PDE11A: variants seen among roughly 807,000 people sequenced by gnomAD.
PDE11A encodes the protein phosphodiesterase 11A, also known as dual 3',5'-cyclic-AMP and -GMP phosphodiesterase 11A.
Under a neutral mutation model 100.5 loss-of-function variants are expected in PDE11A, and 100 were observed. The ratio of observed to expected loss-of-function variants is 1.00; its 90% CI spans 0.85 to 1.18. The LOEUF (loss-of-function observed/expected upper bound fraction) is 1.18. PDE11A is among the 50% of genes most tolerant of loss of function. The probability of loss-of-function intolerance (pLI) is 0.00; values close to 1 mark genes in which losing one functional copy is unlikely to be tolerated. For synonymous variants in PDE11A, 381 were observed against 420.8 expected (o/e 0.91, Z 1.16); for missense variants, 1,141 against 1,152.6 (o/e 0.99, Z 0.15).
At chr2:177,702,104 A>G (rs1013834214) in intron 13 of PDE11A, among the ~76,000 whole-genome samples, 2 of 152,170 alleles carry the variant, frequency 1.3e-5, no homozygotes, top group Admixed American at 6.5e-5. Context: ...TTAGTTAAAT[A>G]CTCATTGATA....
At chr2:178,056,772 G>A (rs1180376614) in intron 1 of PDE11A, among the ~76,000 whole-genome samples, 1 of 152,056 alleles carries the variant, frequency 6.6e-6, no homozygotes, top group Non-Finnish European at 1.5e-5. Context: ...ATTAAAAACT[G>A]GGAACAAATA....
At chr2:177,844,098 G>C (rs142192602) in intron 5 of PDE11A, among the ~76,000 whole-genome samples, 1 of 152,332 alleles carries the variant, frequency 6.6e-6, no homozygotes, top group Middle Eastern at 3.4e-3. Flanking sequence ...AAGTTGATTT[G>C]TCACTTGGTA....
chr2:177,937,697 C>T (rs543157073), intron 2 of PDE11A, among the ~76,000 whole-genome samples: 98 of 152,224 alleles, frequency 6.4e-4, no homozygotes, highest in South Asian at 2.3e-3. Flanking sequence ...TCTTTTCTTT[C>T]CAAAAACCTA....
intron 5 of PDE11A, among the ~76,000 whole-genome samples, chr2:177,845,383 A>T: frequency 7.4e-6 from 1 of 134,672 alleles, no homozygotes; most frequent in Admixed American, 7.3e-5. Flanking sequence ...CGCTCCTCAC[A>T]TCCCAGACGG....
chr2:177,950,771 C>A (rs755124204), intron 2 of PDE11A, among the ~76,000 whole-genome samples: 1 of 152,142 alleles, frequency 6.6e-6, no homozygotes, highest in Non-Finnish European at 1.5e-5. Flanking sequence ...ATTAGCCGAG[C>A]GCCATGGCAG....
At position 178,072,525 on chromosome 2, in the gene PDE11A, C is replaced by T. The variant is rs2087150201; in HGVS notation, c.-88G>A. On this transcript the variant is annotated 5_prime_UTR_variant, in exon 1 of 20. Transcript: ENST00000286063. Reference sequence around the variant, plus strand: ...TCTAGCTGTTCCTGCACATGTTCACCCCCACCAGTATTCCCAGTTCAGCGC... The same window carrying T: ...TCTAGCTGTTCCTGCACATGTTCACTCCCACCAGTATTCCCAGTTCAGCGC... 2.5e-6 allele frequency: 4 copies of T among 1,577,564 alleles called. No individual in the cohort carries two copies. The highest frequency in any genetic ancestry group is 3.4e-6 in the Non-Finnish European group (4 of 1,168,004).
At chr2:177,645,578 C>G (rs2080212775) in intron 19 of PDE11A, among the ~76,000 whole-genome samples, 1 of 152,136 alleles carries the variant, frequency 6.6e-6, no homozygotes, top group Non-Finnish European at 1.5e-5. Flanking sequence ...TTATTTTTTA[C>G]TAGGAGCTAA....
intron 13 of PDE11A, among the ~76,000 whole-genome samples, chr2:177,710,335 G>T (rs560654347): frequency 6.6e-6 from 1 of 152,048 alleles, no homozygotes; most frequent in South Asian, 2.1e-4. Context: ...CGTGAAGTAG[G>T]AGGCAAGGTG....
At chr2:177,870,691 A>G (rs1052839261) in intron 5 of PDE11A, among the ~76,000 whole-genome samples, 3 of 152,230 alleles carry the variant, frequency 2.0e-5, no homozygotes, top group African/African-American at 7.2e-5. Context: ...CTGGGTTTCA[A>G]ATATTGCCTC....
chr2:178,025,377 C>T (rs1021969187), intron 1 of PDE11A, among the ~76,000 whole-genome samples: 3 of 152,168 alleles, frequency 2.0e-5, no homozygotes, highest in African/African-American at 7.2e-5. Context: ...AGTTTCAAAA[C>T]AGTTATTGTG....
intron 2 of PDE11A, among the ~76,000 whole-genome samples, chr2:178,001,275 A>AGTGTGTGTGT (rs57136586): frequency 0.052 from 7,319 of 140,684 alleles, 260 homozygotes; most frequent in Non-Finnish European, 0.068. Context: ...ACAATGTGAA[A>AGTGTGTGTGT]GTGTGTGTGT....
At chr2:177,877,760 C>T (rs2084264478) in intron 4 of PDE11A, among the ~76,000 whole-genome samples, 1 of 151,854 alleles carries the variant, frequency 6.6e-6, no homozygotes, top group African/African-American at 2.4e-5. Context: ...AGGCACCATG[C>T]TTTGAAGTCT....
In PDE11A at chr2:177,629,123, A is replaced by G. The variant is rs2079877877; in HGVS notation, c.*284T>C. On this transcript the variant is annotated 3_prime_UTR_variant, in exon 20 of 20. Transcript: ENST00000286063. ...AGGCCGACTGTCCACAGGTCCTTGG[A>G]TCCAAAACAGTCCCCTACCCAGAGC... is the stretch of plus-strand genomic sequence containing the variant. The G allele has an allele frequency of 2.1e-6, 1 of 469,264 alleles. No homozygotes were observed. Among genetic ancestry groups the G allele is most frequent in the African/African-American group, 2.0e-5 (1 of 51,204 alleles). 29.1% of individuals were successfully genotyped at this position (469,264 alleles called of 1,614,324 possible). A position where few individuals can be genotyped will look rare whatever the true frequency, so the allele number is the denominator to read the frequency against.
intron 1 of PDE11A, among the ~76,000 whole-genome samples, chr2:178,017,234 A>G (rs1046410823): frequency 5.3e-5 from 8 of 152,278 alleles, no homozygotes; most frequent in Non-Finnish European, 1.0e-4. Context: ...ACATTTTTCC[A>G]AATATATAGA....
At chr2:177,712,567 T>G (rs1166665245) in intron 12 of PDE11A, among the ~76,000 whole-genome samples, 1 of 152,146 alleles carries the variant, frequency 6.6e-6, no homozygotes, top group Non-Finnish European at 1.5e-5. Flanking sequence ...TACTGGGAAT[T>G]CTTTTTTCTT....
At chr2:177,998,705 G>T in intron 2 of PDE11A, 1 of 1,072,426 alleles carries the variant, frequency 9.3e-7, no homozygotes, top group Non-Finnish European at 1.4e-6. Context: ...CTTTATGCTG[G>T]CCCACTCGCT....
chr2:177,729,592 T>C (rs763015954), intron 10 of PDE11A, among the ~76,000 whole-genome samples: 36 of 152,196 alleles, frequency 2.4e-4, no homozygotes, highest in African/African-American at 8.7e-4. Flanking sequence ...ATTTCATTAA[T>C]AGTTTGCCTA....
chr2:177,732,529 T>C (rs1330328962), intron 10 of PDE11A, among the ~76,000 whole-genome samples: 1 of 152,214 alleles, frequency 6.6e-6, no homozygotes, highest in Non-Finnish European at 1.5e-5. Flanking sequence ...GCAGCACTAC[T>C]CCACTCCAGG....
At chr2:177,822,103 ATTTCAATT>A (rs1361781892) in intron 6 of PDE11A, among the ~76,000 whole-genome samples, 2 of 151,788 alleles carry the variant, frequency 1.3e-5, no homozygotes, top group African/African-American at 4.8e-5. Context: ...ATAGGCAAAT[ATTTCAATT>A]TTTAAATTTA....
Sources: allele counts gnomAD v4.1 joint callset (sites outside exome capture counted in the v4.1 genomes callset), GRCh38; gene constraint gnomAD v4.1.1; transcripts MANE v1.5; gene names NCBI Gene and HGNC (gene_info 2026-07-23, HGNC 2026-07-21).